Variants in STOX1 observed in about 807,000 individuals in gnomAD.
STOX1 encodes storkhead-box protein 1.
Under a neutral mutation model 74.8 loss-of-function variants are expected in STOX1, and 57 were observed. The observed-to-expected ratio is 0.76, with a 90% confidence interval of 0.62 to 0.95. The LOEUF (loss-of-function observed/expected upper bound fraction) is 0.95, where lower values mean the gene tolerates loss of function less well. Among genes scored for constraint, STOX1 ranks in the 40% least tolerant of loss-of-function variants. The probability of loss-of-function intolerance (pLI) is 0.00; values close to 1 mark genes in which losing one functional copy is unlikely to be tolerated. For synonymous variants in STOX1, 375 were observed against 401.3 expected (o/e 0.93, Z 0.78); for missense variants, 1,010 against 1,117.0 (o/e 0.90, Z 1.37).
intron 1 of STOX1, among the ~76,000 whole-genome samples, chr10:68,861,431 G>A (rs1044453077): frequency 4.6e-5 from 7 of 152,144 alleles, no homozygotes; most frequent in Admixed American, 4.6e-4. Context: ...GGTGGGCCAG[G>A]TGTTCCTTGT....
chr10:68,831,465 A>G (rs1451102169), intron 1 of STOX1, among the ~76,000 whole-genome samples: 2 of 152,106 alleles, frequency 1.3e-5, no homozygotes, highest in Non-Finnish European at 2.9e-5. Context: ...GATTACAGGC[A>G]TGAGCCACTG....
chr10:68,864,171 G>A (rs1034741600), intron 1 of STOX1, among the ~76,000 whole-genome samples: 19 of 152,016 alleles, frequency 1.2e-4, no homozygotes, highest in African/African-American at 3.4e-4. Flanking sequence ...TGATCCGCCC[G>A]CCTCGGCCTC....
chr10:68,882,592 G>A (rs751329512), intron 2 of STOX1, among the ~76,000 whole-genome samples: 6 of 151,068 alleles, frequency 4.0e-5, no homozygotes, highest in Middle Eastern at 3.4e-3. Flanking sequence ...CCGCCTCCCC[G>A]GGTTCAAGCG....
intron 1 of STOX1, among the ~76,000 whole-genome samples, chr10:68,869,224 G>A (rs963618737): frequency 1.3e-5 from 2 of 152,180 alleles, no homozygotes. Flanking sequence ...ACCAACTGCT[G>A]CTCTTCCATG....
intron 3 of STOX1, among the ~76,000 whole-genome samples, chr10:68,888,132 C>T (rs1272149911): frequency 1.3e-5 from 2 of 151,624 alleles, no homozygotes; most frequent in Non-Finnish European, 1.5e-5. Context: ...TGGAGTTTTG[C>T]TCTTGTTGCC....
At chr10:68,849,422 A>G (rs1452344618) in intron 1 of STOX1, among the ~76,000 whole-genome samples, 2 of 152,180 alleles carry the variant, frequency 1.3e-5, no homozygotes, top group Non-Finnish European at 2.9e-5. Flanking sequence ...ATAAATTACC[A>G]TTTCTTAATA....
In STOX1 at chr10:68,830,046, G is replaced by C. The variant is rs184414719; in HGVS notation, c.310+2113G>C. On this transcript the variant is annotated intron_variant, in intron 1 of 3. Coordinates refer to ENST00000298596, the MANE Select transcript of STOX1 (RefSeq NM_152709.5). ...GGGTCTAGACCTGGGGGCGAAATAAGAGAGGGCTTGTGCTAAGTCACGGGC... is the reference window on the plus strand; with the variant it reads ...GGGTCTAGACCTGGGGGCGAAATAACAGAGGGCTTGTGCTAAGTCACGGGC... 8.1e-4 allele frequency among the ~76,000 whole-genome samples: 124 copies of C among 152,290 alleles called. 1 individual carries two copies. Among genetic ancestry groups the C allele is most frequent in the Admixed American group, 7.9e-3 (121 of 15,298 alleles).
At chr10:68,892,471 G>A in intron 3 of STOX1, 118 bp from the exon 4 acceptor site, 1 of 936,740 alleles carries the variant, frequency 1.1e-6, no homozygotes, top group South Asian at 1.4e-5. Flanking sequence ...TATTTGATAA[G>A]TGTACCTTTG....
chr10:68,832,184 C>G lies in STOX1; in HGVS notation c.310+4251C>G, dbSNP rs865831822. ...TGAGCCACTGGGGAAGGAGGTACTGCAGGGAGGTGGGGCACCTGTATTTGT... is the reference window on the plus strand; with the variant it reads ...TGAGCCACTGGGGAAGGAGGTACTGGAGGGAGGTGGGGCACCTGTATTTGT... On this transcript the variant is annotated intron_variant, in intron 1 of 3. Transcript: ENST00000298596. Among the ~76,000 whole-genome samples, 3 of 152,176 alleles carry G rather than the reference C, an allele frequency of 2.0e-5. No individual in the cohort carries two copies. The East Asian group carries it at 5.8e-4, about 29-fold the overall frequency.
At position 68,838,147 on chromosome 10, in the gene STOX1, G is replaced by A. The variant is rs115948000; in HGVS notation, c.310+10214G>A. ...CGTGGTGTGATCATGGCTCCCTGCAGCCTCGACCTCCCAGACTTAAGTGAT... is the reference window on the plus strand; with the variant it reads ...CGTGGTGTGATCATGGCTCCCTGCAACCTCGACCTCCCAGACTTAAGTGAT... On this transcript the variant is annotated intron_variant, in intron 1 of 3. Coordinates refer to ENST00000298596, the MANE Select transcript of STOX1 (RefSeq NM_152709.5). 3.0e-3 allele frequency among the ~76,000 whole-genome samples: 449 copies of A among 151,322 alleles called. 2 individuals carry two copies. The highest frequency in any genetic ancestry group is 0.01 in the African/African-American group (432 of 41,194).
intron 1 of STOX1, among the ~76,000 whole-genome samples, chr10:68,834,126 A>T (rs1839481619): frequency 2.0e-5 from 3 of 152,146 alleles, no homozygotes; most frequent in Admixed American, 2.0e-4. Flanking sequence ...TGATGGGAGG[A>T]TCTTCCACAT....
intron 1 of STOX1, among the ~76,000 whole-genome samples, chr10:68,880,731 T>G (rs1318121716): frequency 2.6e-5 from 4 of 152,088 alleles, no homozygotes; most frequent in Non-Finnish European, 4.4e-5. Context: ...CTAGGCTCAC[T>G]CACTAGGCTG....
intron 2 of STOX1, 43 bp downstream of exon 2, chr10:68,882,153 G>C (rs1220520925): frequency 6.3e-7 from 1 of 1,581,412 alleles, no homozygotes; most frequent in Non-Finnish European, 8.7e-7. Flanking sequence ...CACTGTATGT[G>C]TTTGGTTTCT....
chr10:68,844,849 A>C (rs1589218823), intron 1 of STOX1, among the ~76,000 whole-genome samples: 1 of 150,692 alleles, frequency 6.6e-6, no homozygotes, highest in African/African-American at 2.4e-5. Flanking sequence ...TGTAACCTCC[A>C]CCTCCCACTT....
chr10:68,830,019 G>A (rs1222717339), intron 1 of STOX1, among the ~76,000 whole-genome samples: 1 of 152,136 alleles, frequency 6.6e-6, no homozygotes, highest in Non-Finnish European at 1.5e-5. Flanking sequence ...ATGCAGGGTG[G>A]GGGGTCTAGA....
intron 1 of STOX1, chr10:68,828,347 G>A: frequency 9.6e-7 from 1 of 1,041,966 alleles, no homozygotes; most frequent in Non-Finnish European, 1.2e-6. Flanking sequence ...GGGCGAGCGC[G>A]GCCCCGTCTT....
In STOX1 at chr10:68,847,342, C is replaced by G. The variant is rs1333663280; in HGVS notation, c.310+19409C>G. Among the ~76,000 whole-genome samples, 3 of 152,220 alleles carry G rather than the reference C, an allele frequency of 2.0e-5. No individual in the cohort carries two copies. In the East Asian group the frequency reaches 5.8e-4, roughly 29 times the overall value. Reference sequence around the variant, plus strand: ...CAGCAGACACATGTTATTATGGTGGCTTGGGTTGTGGGGGAGTTTGTTTTG... The same window carrying G: ...CAGCAGACACATGTTATTATGGTGGGTTGGGTTGTGGGGGAGTTTGTTTTG... On this transcript the variant is annotated intron_variant, in intron 1 of 3. Transcript: ENST00000298596.
chr10:68,855,256 G>A (rs1840092738), intron 1 of STOX1, among the ~76,000 whole-genome samples: 1 of 147,308 alleles, frequency 6.8e-6, no homozygotes, highest in Non-Finnish European at 1.5e-5. Context: ...GAGTAGCTGG[G>A]ACTACAGGCA....
intron 1 of STOX1, among the ~76,000 whole-genome samples, chr10:68,851,299 T>TAAAAAAA (rs35166698): frequency 3.7e-5 from 4 of 108,632 alleles, no homozygotes; most frequent in Non-Finnish European, 4.0e-5. Flanking sequence ...TGAGACTTTC[T>TAAAAAAA]AAAAAAAAAA....
Sources: gnomAD v4.1 joint callset for allele counts (sites outside exome capture counted in the v4.1 genomes callset) on GRCh38, gnomAD v4.1.1 for gene constraint, MANE v1.5 for transcripts, NCBI Gene and HGNC (gene_info 2026-07-23, HGNC 2026-07-21) for gene names.